Variants in TOGARAM1 observed in about 807,000 individuals in gnomAD.
TOGARAM1 encodes the protein TOG array regulator of axonemal microtubules 1.
In TOGARAM1, 100 loss-of-function variants were observed where a neutral mutation model predicts 166.6. That is an observed-to-expected ratio of 0.60 (90% CI 0.51 to 0.71). TOGARAM1 has a LOEUF of 0.71. Ranked by LOEUF, TOGARAM1 falls within the 30% of genes least tolerant of loss-of-function variation. The pLI is 0.00. For missense variants in TOGARAM1, 2,029 were observed against 2,102.7 expected (o/e 0.96, Z 0.69); for synonymous variants, 758 against 763.8 (o/e 0.99, Z 0.13).
chr14:45,067,952 C>G (rs1184426128), intron 17 of TOGARAM1, among the ~76,000 whole-genome samples: 1 of 152,084 alleles, frequency 6.6e-6, no homozygotes, highest in Non-Finnish European at 1.5e-5. Flanking sequence ...AAATTTAACT[C>G]TGAAATTGCA....
At chr14:45,047,795 C>T (rs1026391594) in intron 14 of TOGARAM1, among the ~76,000 whole-genome samples, 1 of 152,054 alleles carries the variant, frequency 6.6e-6, no homozygotes, top group Non-Finnish European at 1.5e-5. Context: ...GTGGCTCACA[C>T]CTGTAATCCC....
chr14:45,027,021 A>G (rs749161194), intron 8 of TOGARAM1, among the ~76,000 whole-genome samples: 77 of 151,938 alleles, frequency 5.1e-4, no homozygotes, highest in Non-Finnish European at 1.6e-4. Flanking sequence ...AAACAAACAA[A>G]CAAACAAACA....
chr14:45,046,236 C>T (rs1017741260), intron 13 of TOGARAM1, among the ~76,000 whole-genome samples: 4 of 152,208 alleles, frequency 2.6e-5, no homozygotes, highest in Middle Eastern at 3.4e-3. Context: ...GAGTTCGAGA[C>T]CAGCCTGGGC....
intron 11 of TOGARAM1, among the ~76,000 whole-genome samples, chr14:45,042,493 T>C (rs1244415419): frequency 6.6e-6 from 1 of 151,974 alleles, no homozygotes; most frequent in Non-Finnish European, 1.5e-5. Flanking sequence ...AGAGAGAGCA[T>C]GCATGAATGC....
chr14:45,055,427 C>T (rs1254629122), intron 16 of TOGARAM1, among the ~76,000 whole-genome samples: 1 of 152,052 alleles, frequency 6.6e-6, no homozygotes, highest in African/African-American at 2.4e-5. Context: ...TAGACCAGTA[C>T]CATGTTGTTT....
intron 1 of TOGARAM1, among the ~76,000 whole-genome samples, chr14:44,971,614 T>C (rs10149484): frequency 0.16 from 23,880 of 152,144 alleles, 3,471 homozygotes; most frequent in African/African-American, 0.38. Flanking sequence ...TCTTCCTTTG[T>C]TAGTTTCCTA....
At chr14:45,060,217 CTTT>C (rs771278378) in intron 16 of TOGARAM1, among the ~76,000 whole-genome samples, 6 of 116,658 alleles carry the variant, frequency 5.1e-5, no homozygotes, top group Admixed American at 8.9e-5. Flanking sequence ...TGCACCCGGC[CTTT>C]TTTTTTTTTT....
chr14:45,052,342 G>A (rs1198849643), intron 14 of TOGARAM1, 94 bp from the exon 15 acceptor site: 1 of 951,070 alleles, frequency 1.1e-6, no homozygotes, highest in Non-Finnish European at 1.6e-6. Flanking sequence ...TGTTTGATAG[G>A]TGTTTTTTTT....
At chr14:45,055,247 C>G (rs1374045362) in intron 16 of TOGARAM1, among the ~76,000 whole-genome samples, 1 of 152,146 alleles carries the variant, frequency 6.6e-6, no homozygotes, top group African/African-American at 2.4e-5. Context: ...GTGAGAGATA[C>G]TGTTTCATTC....
Position 45,027,315 on chromosome 14 carries a change from A to G in TOGARAM1, c.3345A>G (p.Leu1115=). 1 of 1,613,110 alleles carries G rather than the reference A, an allele frequency of 6.2e-7. No individual in the cohort carries two copies. Among genetic ancestry groups the G allele is most frequent in the Non-Finnish European group, 8.5e-7 (1 of 1,179,726 alleles). The change falls in exon 9 of 20, where the codon TTA becomes TTG. Residue 1115 remains leucine (L), a synonymous_variant. Transcript: ENST00000361462. The part of the protein sequence containing the change: ...VVVGKGVFGS[L]SSAPATCSQS... ...TGATTTCAGGCGTATTTGGAAGTTT[A>G]AGTTCAGCACCAGCAACCTGCAGCC...
chr14:45,030,490 ATAG>A (rs1566648312), intron 10 of TOGARAM1, among the ~76,000 whole-genome samples: 4 of 152,154 alleles, frequency 2.6e-5, no homozygotes, highest in African/African-American at 9.7e-5. Flanking sequence ...ATAAATGATA[ATAG>A]TGCTTTTTTT....
chr14:45,065,821 G>GT (rs1883114587), intron 16 of TOGARAM1, among the ~76,000 whole-genome samples: 1 of 152,178 alleles, frequency 6.6e-6, no homozygotes, highest in South Asian at 2.1e-4. Context: ...TGGAGGATGA[G>GT]TTTTTTGAAA....
At chr14:45,005,696 G>A (rs1346125789) in intron 4 of TOGARAM1, among the ~76,000 whole-genome samples, 1 of 152,160 alleles carries the variant, frequency 6.6e-6, no homozygotes, top group East Asian at 1.9e-4. Context: ...CCCAGCCATT[G>A]ATGTAAGATG....
intron 1 of TOGARAM1, among the ~76,000 whole-genome samples, chr14:44,995,137 G>A (rs964939545): frequency 6.6e-6 from 1 of 152,114 alleles, no homozygotes; most frequent in Admixed American, 6.6e-5. Flanking sequence ...TGGCACCTTT[G>A]TTCCTTAACT....
At chr14:45,002,119 C>G (rs190741319) in intron 3 of TOGARAM1, among the ~76,000 whole-genome samples, 2 of 152,014 alleles carry the variant, frequency 1.3e-5, no homozygotes, top group Non-Finnish European at 2.9e-5. Context: ...TTTTAACTAC[C>G]CTTTTTTGCA....
In TOGARAM1 at chr14:44,965,825, T is replaced by G. The variant is rs111541733; in HGVS notation, c.2046+1358T>G. Among the ~76,000 whole-genome samples the G allele has an allele frequency of 3.8e-3, 582 of 152,144 alleles. 6 individuals carry two copies. The highest frequency in any genetic ancestry group is 0.013 in the African/African-American group (550 of 41,508). On this transcript the variant is annotated intron_variant, in intron 1 of 19. Transcript: ENST00000361462. ...CACTGTGTTTAGCATCCACCAATGG[T>G]CTTTACCTGTATCATTTATTACACT...
chr14:45,020,459 T>C (rs143596408), intron 7 of TOGARAM1, among the ~76,000 whole-genome samples: 2 of 152,306 alleles, frequency 1.3e-5, no homozygotes, highest in Non-Finnish European at 2.9e-5. Flanking sequence ...TAGTTTGTAG[T>C]AGAACTGAGT....
At position 45,005,860 on chromosome 14, in the gene TOGARAM1, C is replaced by T. The variant is rs1566627255; in HGVS notation, c.2645-148C>T. On this transcript the variant is annotated intron_variant, in intron 4 of 19. Coordinates refer to ENST00000361462, the MANE Select transcript of TOGARAM1 (RefSeq NM_001308120.2). ...CAAGATCAAATATTGTATCGAAAGC[C>T]GAGGCTTTATTCAGCTTGTTCTCCC... The T allele has an allele frequency of 7.4e-6, 4 of 541,256 alleles. No homozygotes were observed. In the Admixed American group the frequency reaches 1.0e-4, roughly 14 times the overall value. The allele number at this position is 541,256 out of a possible 1,614,324, so 33.5% of individuals were successfully genotyped here.
chr14:45,015,160 C>A (rs907248694), intron 7 of TOGARAM1, among the ~76,000 whole-genome samples: 3 of 151,786 alleles, frequency 2.0e-5, no homozygotes, highest in Non-Finnish European at 4.4e-5. Flanking sequence ...TAAAAAGTAG[C>A]GGAGAATGGT....
Sources: allele counts gnomAD v4.1 joint callset (sites outside exome capture counted in the v4.1 genomes callset), GRCh38; gene constraint gnomAD v4.1.1; transcripts MANE v1.5; gene names NCBI Gene and HGNC (gene_info 2026-07-23, HGNC 2026-07-21).